ST3GAL3: variants seen among roughly 807,000 people sequenced by gnomAD.
ST3GAL3 encodes ST3 beta-galactoside alpha-2,3-sialyltransferase 3.
A neutral mutation model predicts 50.1 loss-of-function variants in ST3GAL3; 21 were observed. The ratio of observed to expected loss-of-function variants is 0.42; its 90% CI spans 0.30 to 0.60. The LOEUF is 0.60. Ranked by LOEUF, ST3GAL3 falls within the 20% of genes least tolerant of loss-of-function variation. ST3GAL3 has a pLI of 0.19. For missense variants in ST3GAL3, 353 were observed against 489.4 expected (o/e 0.72, Z 2.63); for synonymous variants, 183 against 190.0 (o/e 0.96, Z 0.30).
chr1:43,826,091 C>A (rs1326254362), intron 4 of ST3GAL3, among the ~76,000 whole-genome samples: 1 of 151,596 alleles, frequency 6.6e-6, no homozygotes, highest in Non-Finnish European at 1.5e-5. Context: ...CATAGGGAGA[C>A]CTCGTCTCTT....
intron 2 of ST3GAL3, among the ~76,000 whole-genome samples, chr1:43,781,884 C>T (rs1028171233): frequency 6.6e-6 from 1 of 152,166 alleles, no homozygotes; most frequent in Non-Finnish European, 1.5e-5. Flanking sequence ...CATCCCTATA[C>T]CAAACCACTG....
intron 1 of ST3GAL3, among the ~76,000 whole-genome samples, chr1:43,715,135 G>T (rs1571160805): frequency 6.6e-6 from 1 of 152,146 alleles, no homozygotes; most frequent in East Asian, 1.9e-4. Flanking sequence ...AGGATTTAAA[G>T]AATGTAGCAG....
intron 2 of ST3GAL3, chr1:43,736,597 C>T: frequency 1.3e-6 from 1 of 773,956 alleles, no homozygotes; most frequent in South Asian, 1.5e-5. Flanking sequence ...AATCTCAGTT[C>T]CTTTTACAAA....
chr1:43,720,679 G>GT (rs1669974674), intron 1 of ST3GAL3: 1 of 152,092 alleles, frequency 6.6e-6, no homozygotes, highest in East Asian at 1.9e-4. Flanking sequence ...CTCTCATTAG[G>GT]CTTCACCTCC....
In ST3GAL3 at chr1:43,882,864, C is replaced by G. The variant is rs143298264; in HGVS notation, c.303-11519C>G. ...CTATCTTAGAGAAAAAAAGAGACTC[C>G]CACAGCCCCCAGCGTCCAAATATGA... On this transcript the variant is annotated intron_variant, in intron 5 of 11. Coordinates refer to ENST00000347631, the MANE Select transcript of ST3GAL3 (RefSeq NM_006279.5). Among the ~76,000 whole-genome samples the G allele has an allele frequency of 2.5e-3, 374 of 152,210 alleles. 2 individuals carry two copies. Among genetic ancestry groups the G allele is most frequent in the African/African-American group, 8.7e-3 (360 of 41,530 alleles).
intron 3 of ST3GAL3, among the ~76,000 whole-genome samples, chr1:43,811,947 T>C (rs2060610970): frequency 6.6e-6 from 1 of 152,210 alleles, no homozygotes; most frequent in Admixed American, 6.5e-5. Context: ...ATTAAGAGAT[T>C]TCCTTTGAAA....
At chr1:43,875,959 A>C (rs34154596) in intron 5 of ST3GAL3, among the ~76,000 whole-genome samples, 1,331 of 98,642 alleles carry the variant, frequency 0.013, 8 homozygotes, top group Middle Eastern at 0.023. Context: ...TCTTATTATT[A>C]TTATTATTAT....
At chr1:43,820,367 A>G (rs2061940102) in intron 4 of ST3GAL3, among the ~76,000 whole-genome samples, 1 of 152,204 alleles carries the variant, frequency 6.6e-6, no homozygotes, top group Non-Finnish European at 1.5e-5. Flanking sequence ...AAAACCTAGG[A>G]CATACCCTTC....
intron 1 of ST3GAL3, among the ~76,000 whole-genome samples, chr1:43,735,599 G>A (rs574117978): frequency 8.5e-5 from 13 of 152,274 alleles, no homozygotes; most frequent in Non-Finnish European, 1.3e-4. Flanking sequence ...TCTTCTCCAG[G>A]GCCTCCAGAA....
At chr1:43,873,823 A>G (rs1276492468) in intron 5 of ST3GAL3, among the ~76,000 whole-genome samples, 1 of 151,802 alleles carries the variant, frequency 6.6e-6, no homozygotes, top group Non-Finnish European at 1.5e-5. Flanking sequence ...AAATAAAAAT[A>G]CAAAAAGAAG....
In ST3GAL3 at chr1:43,844,674, T is replaced by C. The variant is rs1222069804; in HGVS notation, c.302+6363T>C. Among the ~76,000 whole-genome samples the C allele has an allele frequency of 2.0e-5, 3 of 152,118 alleles. No individual in the cohort carries two copies. In the East Asian group the frequency reaches 5.8e-4, roughly 30 times the overall value. On this transcript the variant is annotated intron_variant, in intron 5 of 11. Coordinates refer to ENST00000347631, the MANE Select transcript of ST3GAL3 (RefSeq NM_006279.5). ...AAAATAAAAAAAAATTAGCCGGGCG[T>C]GGTGGCGGGCACTACGGTGGCGGGC...
At chr1:43,791,640 T>C (rs1425986118) in intron 2 of ST3GAL3, among the ~76,000 whole-genome samples, 1 of 152,206 alleles carries the variant, frequency 6.6e-6, no homozygotes, top group Non-Finnish European at 1.5e-5. Flanking sequence ...CTAGTGTACA[T>C]TGTAAATTTC....
At chr1:43,761,950 CAAAAA>C (rs67747915) in intron 2 of ST3GAL3, among the ~76,000 whole-genome samples, 1 of 68,878 alleles carries the variant, frequency 1.5e-5, no homozygotes, top group Non-Finnish European at 2.4e-5. Context: ...CACTCTGTCT[CAAAAA>C]AAAAAAAAAA....
At chr1:43,717,073 C>G (rs1009259166) in intron 1 of ST3GAL3, among the ~76,000 whole-genome samples, 1 of 152,224 alleles carries the variant, frequency 6.6e-6, no homozygotes, top group African/African-American at 2.4e-5. Context: ...CTCTCCTGCC[C>G]TTCTGCTTCA....
intron 9 of ST3GAL3, chr1:43,913,266 A>G (rs984688683): frequency 1.3e-5 from 2 of 152,250 alleles, no homozygotes; most frequent in African/African-American, 4.8e-5. Flanking sequence ...TATAATCATA[A>G]TAAGTAAGAT....
chr1:43,824,590 A>C (rs1323215560), intron 4 of ST3GAL3: 1 of 945,412 alleles, frequency 1.1e-6, no homozygotes, highest in Non-Finnish European at 1.7e-6. Flanking sequence ...TCACAACAGG[A>C]GAGCATAGCA....
At chr1:43,846,085 G>A (rs551389584) in intron 5 of ST3GAL3, among the ~76,000 whole-genome samples, 6 of 152,186 alleles carry the variant, frequency 3.9e-5, no homozygotes, top group Non-Finnish European at 7.4e-5. Flanking sequence ...TATTCTGTGT[G>A]TGCTTGAAAA....
At chr1:43,819,582 T>G (rs992512337) in intron 4 of ST3GAL3, among the ~76,000 whole-genome samples, 9 of 152,302 alleles carry the variant, frequency 5.9e-5, no homozygotes, top group Admixed American at 1.3e-4. Flanking sequence ...GAGAATTATC[T>G]CCTCGCTCCA....
At chr1:43,768,625 T>C (rs1443620344) in intron 2 of ST3GAL3, among the ~76,000 whole-genome samples, 2 of 152,158 alleles carry the variant, frequency 1.3e-5, no homozygotes, top group Non-Finnish European at 2.9e-5. Context: ...ATGAACAATT[T>C]TATGCCAAAA....
Sources: allele counts gnomAD v4.1 joint callset (sites outside exome capture counted in the v4.1 genomes callset), GRCh38; gene constraint gnomAD v4.1.1; transcripts MANE v1.5; gene names NCBI Gene and HGNC (gene_info 2026-07-23, HGNC 2026-07-21).